The following PIK3CD variants were observed in gnomAD, a reference collection of about 807,000 sequenced individuals.
The protein encoded by PIK3CD is phosphatidylinositol 4,5-bisphosphate 3-kinase catalytic subunit delta isoform.
PIK3CD carries 20 observed loss-of-function variants against 122.9 expected under a neutral mutation model. The ratio of observed to expected loss-of-function variants is 0.16; its 90% confidence interval spans 0.11 to 0.24. The LOEUF is 0.24. PIK3CD is among the 10% of genes least tolerant of loss of function. PIK3CD has a pLI of 1.00. For synonymous variants in PIK3CD, 596 were observed against 593.4 expected (o/e 1.00, Z -0.06); for missense variants, 787 against 1,406.3 (o/e 0.56, Z 7.04).
chr1:9,705,679 A>G lies in PIK3CD; in HGVS notation c.-32-4745A>G, dbSNP rs908693321. Among the ~76,000 whole-genome samples, 5 of 152,240 alleles carry G rather than the reference A, an allele frequency of 3.3e-5. 1 individual carries two copies. The highest frequency in any genetic ancestry group is 4.8e-5 in the African/African-American group (2 of 41,470). On this transcript the variant is annotated intron_variant, in intron 2 of 23. Transcript: ENST00000377346. Reference sequence around the variant, plus strand: ...ATTAAAAAAGATTAAGTAACCCCACAGGAAAATGGGCAAAGTTTATAGTAA... The same window carrying G: ...ATTAAAAAAGATTAAGTAACCCCACGGGAAAATGGGCAAAGTTTATAGTAA...
At chr1:9,633,404 T>C in the PIK3CD span, among the ~76,000 whole-genome samples, 20 of 152,226 alleles carry the variant, frequency 1.3e-4, no homozygotes, top group African/African-American at 4.3e-4. Flanking sequence ...GCTTCCTGGG[T>C]TCAAGTGATT....
chr1:9,705,060 A>G (rs1243814984), intron 2 of PIK3CD, among the ~76,000 whole-genome samples: 1 of 151,992 alleles, frequency 6.6e-6, no homozygotes, highest in African/African-American at 2.4e-5. Context: ...CTGTTTTTAC[A>G]AGTCTTTAAA....
chr1:9,645,315 C>G, the PIK3CD span, among the ~76,000 whole-genome samples: 1 of 151,904 alleles, frequency 6.6e-6, no homozygotes, highest in Non-Finnish European at 1.5e-5. Flanking sequence ...CACCGCTTGC[C>G]CAGCTTGAAT....
the PIK3CD span, among the ~76,000 whole-genome samples, chr1:9,630,177 A>G: frequency 6.6e-6 from 1 of 152,160 alleles, no homozygotes; most frequent in Non-Finnish European, 1.5e-5. Context: ...TCCAGGCTGG[A>G]CCCACGTCTG....
chr1:9,671,261 C>T lies in PIK3CD; in HGVS notation c.-138+19459C>T, dbSNP rs901935121. 2.6e-4 allele frequency among the ~76,000 whole-genome samples: 39 copies of T among 152,054 alleles called. No homozygotes were observed. The East Asian group carries it at 3.5e-3, about 14-fold the overall frequency. ...AGTACAGGTTCATGCCATCACACCC[C>T]GCTCATTTTGTATTTCAATGGAAGA... On this transcript the variant is annotated intron_variant, in intron 1 of 23. Coordinates refer to ENST00000377346, the MANE Select transcript of PIK3CD (RefSeq NM_005026.5).
In PIK3CD at chr1:9,718,685, C is replaced by T. The variant is rs749279301; in HGVS notation, c.1021-9C>T. ...GCCTCCTCACCCATCATCCCGGCAC[C>T]TTCTACAGCTGGTGGTGCAGGCCGG... On this transcript the variant is annotated splice_polypyrimidine_tract_variant and intron_variant, in intron 8 of 23. Coordinates refer to ENST00000377346, the MANE Select transcript of PIK3CD (RefSeq NM_005026.5). The surrounding 1 kb of genome is among the most constrained non-coding windows in gnomAD (Gnocchi z 7.2). 9 of 1,602,168 alleles carry T rather than the reference C, an allele frequency of 5.6e-6. No homozygotes were observed. Among genetic ancestry groups the T allele is most frequent in the South Asian group, 1.1e-5 (1 of 91,050 alleles).
At position 9,715,747 on chromosome 1, in the gene PIK3CD, G is replaced by A; in HGVS notation, c.348G>A (p.Gln116=). The stretch of plus-strand genomic sequence containing the variant: ...GCGTGAAGAAGCTCATCAACTCACA[G>A]ATCAGCCTCCTCATCGGCAAAGGTA... ...GDRVKKLINS[Q]ISLLIGKGLH... The change falls in exon 4 of 24, where the codon CAG becomes CAA. Residue 116 remains glutamine, a synonymous_variant. Transcript: ENST00000377346. The surrounding 1 kb of genome is among the most constrained non-coding windows in gnomAD (Gnocchi z 4.1). 1 of 1,613,356 alleles carries A rather than the reference G, an allele frequency of 6.2e-7. No homozygotes were observed. Among genetic ancestry groups the A allele is most frequent in the Non-Finnish European group, 8.5e-7 (1 of 1,180,000 alleles).
chr1:9,689,582 G>T lies in PIK3CD; in HGVS notation c.-137-1885G>T, dbSNP rs1646115514. Among the ~76,000 whole-genome samples the T allele has an allele frequency of 6.7e-6, 1 of 149,358 alleles. No individual in the cohort carries two copies. Among genetic ancestry groups the T allele is most frequent in the Non-Finnish European group, 1.5e-5 (1 of 67,016 alleles). ...CCCGCTTGCCTGCACCTCGCGCGGC[G>T]GGCCTGCCCTCCGGCCCCCGCCGGC... On this transcript the variant is annotated intron_variant, in intron 1 of 23. Coordinates refer to ENST00000377346, the MANE Select transcript of PIK3CD (RefSeq NM_005026.5). The surrounding 1 kb of genome is among the most constrained non-coding windows in gnomAD (Gnocchi z 6.1).
At chr1:9,661,840 CA>C (rs558303493) in intron 1 of PIK3CD, among the ~76,000 whole-genome samples, 1 of 152,014 alleles carries the variant, frequency 6.6e-6, no homozygotes, top group Non-Finnish European at 1.5e-5. Flanking sequence ...ATTAAAAATA[CA>C]AAAAATTAGC....
chr1:9,665,822 C>T (rs1324750873), intron 1 of PIK3CD, among the ~76,000 whole-genome samples: 1 of 151,626 alleles, frequency 6.6e-6, no homozygotes, highest in African/African-American at 2.4e-5. Context: ...GGTGCGATCT[C>T]CACTCACTGC....
rs140912843 is a variant in PIK3CD at position 9,706,050 on chromosome 1, ATTTTTT to A, written c.-32-4355_-32-4350del. Among the ~76,000 whole-genome samples the A allele has an allele frequency of 1.4e-4, 12 of 85,188 alleles. No individual in the cohort carries two copies. In the East Asian group the frequency reaches 2.1e-3, roughly 15 times the overall value. The allele number at this position is 85,188 out of a possible 152,430, so 55.9% of individuals were successfully genotyped here. On this transcript the variant is annotated intron_variant, in intron 2 of 23. Transcript: ENST00000377346. ...AATTGCTGTTGATTCATTTATTGGA[ATTTTTT>A]TTTTTTTTTTTTTTTTTTGGTAGAG...
chr1:9,686,005 T>G (rs957887321), intron 1 of PIK3CD, among the ~76,000 whole-genome samples: 7 of 152,168 alleles, frequency 4.6e-5, no homozygotes, highest in African/African-American at 1.7e-4. Context: ...GGCTAGGATA[T>G]TGGTGAGCAT....
At chr1:9,668,040 A>C (rs934439614) in intron 1 of PIK3CD, among the ~76,000 whole-genome samples, 1 of 150,582 alleles carries the variant, frequency 6.6e-6, no homozygotes, top group Non-Finnish European at 1.5e-5. Context: ...GGAGTGAGCC[A>C]CCACGCCTGG....
At chr1:9,640,440 C>T in the PIK3CD span, among the ~76,000 whole-genome samples, 6 of 152,036 alleles carry the variant, frequency 3.9e-5, no homozygotes, top group East Asian at 1.9e-4. Context: ...ATTAGCTAGG[C>T]GTGGTGGTGG....
In PIK3CD at chr1:9,720,893, A is replaced by G. The variant is rs1648521215; in HGVS notation, c.1673A>G (p.His558Arg). Residue 558 changes from histidine (H) to arginine (R), a missense_variant, in exon 13 of 24, where the codon CAT (histidine) becomes CGT (arginine). Physicochemically the swap from His to Arg is conservative, Grantham distance 29. Coordinates refer to ENST00000377346, the MANE Select transcript of PIK3CD (RefSeq NM_005026.5). The surrounding 1 kb of genome is among the most constrained non-coding windows in gnomAD (Gnocchi z 9.0). The stretch of plus-strand genomic sequence containing the variant: ...CTGCTGGTCACCAAGTGGAACAAGC[A>G]TGAGGATGTGGCCCAGGTGGGTGGG... ...RLLLVTKWNK[H>R]EDVAQMLYLL... 1 of 1,598,384 alleles carries G rather than the reference A, an allele frequency of 6.3e-7. No homozygotes were observed.
intron 1 of PIK3CD, among the ~76,000 whole-genome samples, chr1:9,660,407 G>A (rs1469885277): frequency 1.3e-5 from 2 of 152,170 alleles, no homozygotes; most frequent in South Asian, 2.1e-4. Flanking sequence ...TGAGCAGCTA[G>A]GCATGTGCTT....
In PIK3CD at chr1:9,704,477, ACT is replaced by A. The variant is rs1018461373; in HGVS notation, c.-32-5941_-32-5940del. On this transcript the variant is annotated intron_variant, in intron 2 of 23. Transcript: ENST00000377346. This position sits in a 1 kb window ranked among gnomAD's most constrained non-coding sequence, Gnocchi z 5.0. ...ATAAGTGGATTCTCCAGGATTCCTGACTCTCTCCCAAGTTGTTTTTTTGTTTT... is the reference window on the plus strand; with the variant it reads ...ATAAGTGGATTCTCCAGGATTCCTGACTCTCCCAAGTTGTTTTTTTGTTTT... Among the ~76,000 whole-genome samples, 1 of 151,148 alleles carries A rather than the reference ACT, an allele frequency of 6.6e-6. No homozygotes were observed. The highest frequency in any genetic ancestry group is 1.5e-5 in the Non-Finnish European group (1 of 67,788).
At position 9,722,379 on chromosome 1, in the gene PIK3CD, C is replaced by A. The variant is rs752492821; in HGVS notation, c.2347+23C>A. The A allele has an allele frequency of 1.3e-6, 2 of 1,592,046 alleles. No homozygotes were observed. The highest frequency in any genetic ancestry group is 1.7e-6 in the Non-Finnish European group (2 of 1,164,082). On this transcript the variant is annotated intron_variant, in intron 18 of 23. Coordinates refer to ENST00000377346, the MANE Select transcript of PIK3CD (RefSeq NM_005026.5). This position sits in a 1 kb window ranked among gnomAD's most constrained non-coding sequence, Gnocchi z 7.6. ...ATGGTGAGGGCCTGGCCTCCCCACA[C>A]CCCGCCTGTACTGCCCTGGGGGGTC...
At position 9,727,396 on chromosome 1, in the gene PIK3CD, C is replaced by T; in HGVS notation, c.*350C>T. The stretch of plus-strand genomic sequence containing the variant: ...TCTTCCCAGGCCTCCCGCCAGACTG[C>T]CTGGGTCCTGGCGCCTGGCGGTCAC... On this transcript the variant is annotated 3_prime_UTR_variant, in exon 24 of 24. Coordinates refer to ENST00000377346, the MANE Select transcript of PIK3CD (RefSeq NM_005026.5). 2.3e-6 allele frequency: 1 copy of T among 427,082 alleles called. No homozygotes were observed. Among genetic ancestry groups the T allele is most frequent in the Non-Finnish European group, 4.4e-6 (1 of 227,114 alleles). The allele number at this position is 427,082 out of a possible 1,614,324, so 26.5% of individuals were successfully genotyped here. A position where few individuals can be genotyped will look rare whatever the true frequency, so the allele number is the denominator to read the frequency against.
Sources: allele counts gnomAD v4.1 joint callset (sites outside exome capture counted in the v4.1 genomes callset), GRCh38; gene constraint gnomAD v4.1.1; non-coding constraint Gnocchi (gnomAD v3.1); transcripts MANE v1.5; gene names NCBI Gene and HGNC (gene_info 2026-07-23, HGNC 2026-07-21).